Variants in OR3A2 observed in about 807,000 individuals in gnomAD.
The protein encoded by OR3A2 is olfactory receptor family 3 subfamily A member 2.
For synonymous variants in OR3A2, 126 were observed against 159.3 expected, an observed-to-expected ratio of 0.79 and a Z score of 1.57; for missense variants, 318 against 392.8, an observed-to-expected ratio of 0.81 and a Z score of 1.61.
chr17:3,330,283 CGTT>C (rs1167418608), intron 3 of OR3A2, among the ~76,000 whole-genome samples: 1 of 150,830 alleles, frequency 6.6e-6, no homozygotes, highest in African/African-American at 2.5e-5. Context: ...CTTTCTGTCT[CGTT>C]GATCTGTCTA....
In OR3A2 at chr17:3,308,408, C is replaced by A. The variant is rs139224218; in HGVS notation, c.-85+27625G>T. On this transcript the variant is annotated intron_variant, in intron 3 of 4. Coordinates refer to the OR3A2 transcript ENST00000573491. ...TGGCCGGGTGAGTCTCATCTCAAGACTCCTCACTGTACTCTCACAGCTTGG... is the reference window on the plus strand; with the variant it reads ...TGGCCGGGTGAGTCTCATCTCAAGAATCCTCACTGTACTCTCACAGCTTGG... Among the ~76,000 whole-genome samples the A allele has an allele frequency of 3.3e-5, 5 of 152,262 alleles. No individual in the cohort carries two copies. The East Asian group carries it at 9.7e-4, about 29-fold the overall frequency.
intron 2 of OR3A2, among the ~76,000 whole-genome samples, chr17:3,355,358 G>A (rs1336767762): frequency 6.6e-6 from 1 of 151,140 alleles, no homozygotes; most frequent in African/African-American, 2.4e-5. Flanking sequence ...TTTGTTGATT[G>A]TCTGTCTGGA....
chr17:3,314,728 G>A (rs1158143957), intron 3 of OR3A2, among the ~76,000 whole-genome samples: 2 of 151,948 alleles, frequency 1.3e-5, no homozygotes. Flanking sequence ...ATAAGGAGAT[G>A]TATGTGCAGA....
chr17:3,277,716 A>T, exon 2 of OR3A2: 1 of 433,250 alleles, frequency 2.3e-6, no homozygotes, highest in Non-Finnish European at 4.1e-6. Context: ...TGTGAGTTGC[A>T]TGAGTGCAGA....
At chr17:3,320,020 C>A (rs1237471898) in intron 3 of OR3A2, among the ~76,000 whole-genome samples, 1 of 152,180 alleles carries the variant, frequency 6.6e-6, no homozygotes, top group Non-Finnish European at 1.5e-5. Flanking sequence ...CCTATTTCTC[C>A]ACATCCTCTC....
At chr17:3,319,302 T>C (rs991558882) in intron 3 of OR3A2, among the ~76,000 whole-genome samples, 5 of 152,132 alleles carry the variant, frequency 3.3e-5, no homozygotes, top group African/African-American at 7.2e-5. Flanking sequence ...ATTTTAGGCA[T>C]TGGGGGCCAC....
rs534854889 is a variant in OR3A2, at chr17:3,374,030, A to G, written c.-179+9774T>C. 7.1e-4 allele frequency among the ~76,000 whole-genome samples: 108 copies of G among 152,310 alleles called. 1 individual carries two copies. The highest frequency in any genetic ancestry group is 7.3e-4 in the Non-Finnish European group (50 of 68,028). ...TTCTCTTAACATTTGTCAGTCTGAGAAAGATTTTATCTCCCCTTTGTTCAT... is the reference window on the plus strand; with the variant it reads ...TTCTCTTAACATTTGTCAGTCTGAGGAAGATTTTATCTCCCCTTTGTTCAT... On this transcript the variant is annotated intron_variant, in intron 2 of 4. Coordinates refer to the OR3A2 transcript ENST00000573491.
intron 2 of OR3A2, among the ~76,000 whole-genome samples, chr17:3,346,977 G>C (rs1244807073): frequency 6.6e-6 from 1 of 152,098 alleles, no homozygotes; most frequent in Non-Finnish European, 1.5e-5. Flanking sequence ...CTTGGCTATT[G>C]TGCACAGTGC....
intron 3 of OR3A2, chr17:3,292,708 T>G (rs138245279): frequency 1.3e-6 from 1 of 797,136 alleles, no homozygotes; most frequent in African/African-American, 1.7e-5. Flanking sequence ...TCTGTACAAG[T>G]AAGGAATTTT....
intron 3 of OR3A2, among the ~76,000 whole-genome samples, chr17:3,315,394 G>C (rs928723966): frequency 3.3e-5 from 5 of 152,128 alleles, no homozygotes; most frequent in African/African-American, 4.8e-5. Flanking sequence ...CTGGTATGAA[G>C]TGGTGTCTCA....
At chr17:3,276,694 T>C (rs1226007882), downstream of OR3A2, among the ~76,000 whole-genome samples, 1 of 152,152 alleles carries the variant, frequency 6.6e-6, no homozygotes, top group Non-Finnish European at 1.5e-5. Flanking sequence ...ATATTCTACA[T>C]TGAAAATTCT....
Position 3,348,955 on chromosome 17 carries a change from A to T in OR3A2, c.-178-12829T>A, listed in dbSNP as rs897897675. Among the ~76,000 whole-genome samples the T allele has an allele frequency of 3.5e-4, 53 of 152,204 alleles. 1 individual carries two copies. Among genetic ancestry groups the T allele is most frequent in the Admixed American group, 2.1e-3 (32 of 15,258 alleles). ...TAAGCTTCATAAGTGAAGGAGAAAT[A>T]AAATACTTTACAGACAAGCAAATGC... On this transcript the variant is annotated intron_variant, in intron 2 of 4. Transcript: ENST00000573491.
intron 2 of OR3A2, among the ~76,000 whole-genome samples, chr17:3,362,754 G>A (rs1007011779): frequency 2.6e-5 from 4 of 151,662 alleles, no homozygotes; most frequent in Admixed American, 2.0e-4. Flanking sequence ...CGTGATGGCT[G>A]AGCCCCTGCA....
intron 3 of OR3A2, among the ~76,000 whole-genome samples, chr17:3,302,582 A>G (rs1286547081): frequency 6.6e-6 from 1 of 152,230 alleles, no homozygotes; most frequent in Non-Finnish European, 1.5e-5. Context: ...GTGAGATCAT[A>G]AAATTGTACT....
At chr17:3,365,221 G>T (rs978511618) in intron 2 of OR3A2, among the ~76,000 whole-genome samples, 7 of 152,136 alleles carry the variant, frequency 4.6e-5, no homozygotes, top group African/African-American at 1.7e-4. Flanking sequence ...AGGTATGTGG[G>T]GGTATACCAG....
At chr17:3,336,947 G>A (rs2049278507) in intron 2 of OR3A2, among the ~76,000 whole-genome samples, 1 of 152,094 alleles carries the variant, frequency 6.6e-6, no homozygotes, top group South Asian at 2.1e-4. Flanking sequence ...CTTTGACTGT[G>A]TTCTCCATCT....
At chr17:3,356,126 A>G (rs1002190484) in intron 2 of OR3A2, among the ~76,000 whole-genome samples, 1 of 150,892 alleles carries the variant, frequency 6.6e-6, no homozygotes, top group African/African-American at 2.5e-5. Context: ...ACTAATAAAA[A>G]TTCTACACCT....
At chr17:3,283,235 CT>C (rs1344273278) in intron 1 of OR3A2, among the ~76,000 whole-genome samples, 1 of 152,032 alleles carries the variant, frequency 6.6e-6, no homozygotes, top group East Asian at 1.9e-4. Context: ...ATATTTTTCT[CT>C]TTTTTTGAGA....
chr17:3,293,505 C>T (rs1030842427), intron 3 of OR3A2, among the ~76,000 whole-genome samples: 1 of 152,152 alleles, frequency 6.6e-6, no homozygotes, highest in Non-Finnish European at 1.5e-5. Flanking sequence ...AAGATACAAG[C>T]ATCTTGTGAA....
Sources: allele counts gnomAD v4.1 joint callset (sites outside exome capture counted in the v4.1 genomes callset), GRCh38; gene constraint gnomAD v4.1.1; transcripts MANE v1.5; gene names NCBI Gene and HGNC (gene_info 2026-07-23, HGNC 2026-07-21).